Variants in CNTNAP3 observed in about 807,000 individuals in gnomAD.
The protein encoded by CNTNAP3 is contactin associated protein family member 3.
Under a neutral mutation model 92.1 loss-of-function variants are expected in CNTNAP3, and 36 were observed. The ratio of observed to expected loss-of-function variants is 0.39; its 90% CI spans 0.30 to 0.52. The LOEUF is 0.52. CNTNAP3 is among the 20% of genes least tolerant of loss of function. The pLI is 0.76. For synonymous variants in CNTNAP3, 232 were observed against 422.3 expected (o/e 0.55, Z 5.53); for missense variants, 534 against 1,069.6 (o/e 0.50, Z 6.98).
At chr9:39,099,263 T>C (rs2118470415) in intron 18 of CNTNAP3, among the ~76,000 whole-genome samples, 1 of 152,254 alleles carries the variant, frequency 6.6e-6, no homozygotes, top group African/African-American at 2.4e-5. Context: ...CCTTTTCTTT[T>C]GAAAACATGA....
At chr9:39,136,254 G>A (rs907005439) in intron 12 of CNTNAP3, among the ~76,000 whole-genome samples, 11 of 152,026 alleles carry the variant, frequency 7.2e-5, no homozygotes, top group Middle Eastern at 3.4e-3. Context: ...CATTGTAAAC[G>A]GGGATTGTCT....
intron 13 of CNTNAP3, among the ~76,000 whole-genome samples, chr9:39,120,498 C>T (rs1232084034): frequency 1.3e-5 from 2 of 152,078 alleles, no homozygotes; most frequent in African/African-American, 4.8e-5. Flanking sequence ...GGTGAAACCC[C>T]GTCTCTACTA....
intron 18 of CNTNAP3, among the ~76,000 whole-genome samples, chr9:39,090,065 A>C (rs1319737924): frequency 6.6e-6 from 1 of 151,540 alleles, no homozygotes; most frequent in African/African-American, 2.4e-5. Context: ...TCAGCCTCCC[A>C]AGTAGCTGGG....
chr9:39,127,221 T>C (rs1169283581), intron 13 of CNTNAP3, among the ~76,000 whole-genome samples: 12 of 152,032 alleles, frequency 7.9e-5, no homozygotes, highest in Non-Finnish European at 1.5e-4. Context: ...AAAATGAAAC[T>C]ACATGAAAAA....
chr9:39,118,824 C>G (rs1246707053), intron 13 of CNTNAP3, among the ~76,000 whole-genome samples: 1 of 152,218 alleles, frequency 6.6e-6, no homozygotes, highest in Non-Finnish European at 1.5e-5. Flanking sequence ...ATAGGCTTTT[C>G]TCATCTCTGA....
intron 14 of CNTNAP3, among the ~76,000 whole-genome samples, chr9:39,116,025 G>A (rs1054876079): frequency 7.2e-5 from 11 of 152,074 alleles, no homozygotes; most frequent in African/African-American, 1.7e-4. Flanking sequence ...TGTGGCACTC[G>A]GCTGTAATCC....
chr9:39,287,050 A>C lies in CNTNAP3; in HGVS notation c.85+930T>G, dbSNP rs1393654259. ...TGAGAAGGAAGAGGAAGACATTTTAAAAATTCTAATCTCATGGTTTGATTA... is the reference window on the plus strand; with the variant it reads ...TGAGAAGGAAGAGGAAGACATTTTACAAATTCTAATCTCATGGTTTGATTA... On this transcript the variant is annotated intron_variant, in intron 1 of 23. Transcript: ENST00000297668. 3.9e-5 allele frequency among the ~76,000 whole-genome samples: 2 copies of C among 51,352 alleles called. 1 individual carries two copies. Among genetic ancestry groups the C allele is most frequent in the African/African-American group, 8.8e-5 (2 of 22,640 alleles). The allele number at this position is 51,352 out of a possible 152,430, so 33.7% of individuals were successfully genotyped here.
intron 13 of CNTNAP3, among the ~76,000 whole-genome samples, chr9:39,130,378 C>T (rs372852563): frequency 0.011 from 1,613 of 151,666 alleles, 25 homozygotes; most frequent in South Asian, 0.086. Context: ...GTGAAAAAAA[C>T]TCAACCACAA....
At chr9:39,092,500 G>C (rs1826228331) in intron 18 of CNTNAP3, among the ~76,000 whole-genome samples, 1 of 134,796 alleles carries the variant, frequency 7.4e-6, no homozygotes, top group Admixed American at 7.2e-5. Context: ...TGATTTCGGA[G>C]TGTATAGTTT....
intron 10 of CNTNAP3, among the ~76,000 whole-genome samples, chr9:39,149,458 T>G (rs1417434299): frequency 6.6e-6 from 1 of 151,904 alleles, no homozygotes; most frequent in African/African-American, 2.4e-5. Flanking sequence ...CACGCCATTC[T>G]CCTGCCTCAG....
intron 1 of CNTNAP3, among the ~76,000 whole-genome samples, chr9:39,285,974 T>C (rs1236500942): frequency 2.0e-5 from 1 of 50,484 alleles, no homozygotes; most frequent in African/African-American, 4.4e-5. Context: ...CCTTATTGAC[T>C]TTCTTCTTGG....
chr9:39,089,138 A>T (rs1826134370), intron 18 of CNTNAP3, among the ~76,000 whole-genome samples: 1 of 151,876 alleles, frequency 6.6e-6, no homozygotes, highest in African/African-American at 2.4e-5. Context: ...GAGTATTTTC[A>T]CTCCCCTCCC....
At chr9:39,099,535 G>A (rs10974139) in intron 18 of CNTNAP3, among the ~76,000 whole-genome samples, 31,802 of 152,060 alleles carry the variant, frequency 0.21, 3,581 homozygotes, top group East Asian at 0.36. Context: ...GGGCAACAGA[G>A]AGGCTTGAAT....
chr9:39,115,624 TG>T (rs1265450085), intron 14 of CNTNAP3, among the ~76,000 whole-genome samples: 5 of 151,372 alleles, frequency 3.3e-5, no homozygotes, highest in African/African-American at 1.2e-4. Context: ...AAAAAGCAAA[TG>T]ACTCCACAAT....
At chr9:39,272,782 T>G (rs1326813813) in intron 1 of CNTNAP3, among the ~76,000 whole-genome samples, 2 of 31,922 alleles carry the variant, frequency 6.3e-5, no homozygotes, top group African/African-American at 1.2e-4. Context: ...CACCCAGTAT[T>G]TGATAACACA....
chr9:39,083,726 A>G (rs1049086125), intron 21 of CNTNAP3, among the ~76,000 whole-genome samples: 1 of 150,860 alleles, frequency 6.6e-6, no homozygotes, highest in Non-Finnish European at 1.5e-5. Flanking sequence ...ATAATACCAA[A>G]GTATCTAAAA....
chr9:39,100,144 G>A lies in CNTNAP3; in HGVS notation c.2762C>T (p.Thr921Met), dbSNP rs770889297. The A allele has an allele frequency of 4.7e-5, 75 of 1,580,520 alleles. No individual in the cohort carries two copies. The highest frequency in any genetic ancestry group is 5.6e-5 in the Non-Finnish European group (65 of 1,160,088). ...TAGAAAGCCTCTCTGTCTGGTGGCC[G>A]TTCCACCTACAACGGAAACACTGCA... ...QLNSQLFIGG[T>M]ATRQRGFLGC... Residue 921 changes from threonine (T) to methionine (M), a missense_variant, in exon 18 of 24, where the codon ACG (threonine) becomes ATG (methionine). Transcript: ENST00000297668.
intron 14 of CNTNAP3, among the ~76,000 whole-genome samples, chr9:39,116,229 TTCTTGTAATAACCTGCCAATGCTCTCCTC>T (rs1253033307): frequency 2.0e-5 from 3 of 152,228 alleles, no homozygotes; most frequent in Admixed American, 6.5e-5. Context: ...CATTCTGGCT[TTCTTGTAATAACCTGCCAATGCTCTCCTC>T]TCTGACCTGT....
rs1825614138 is a variant in CNTNAP3 at position 39,070,518 on chromosome 9, AG to A, written c.*3371del. Reference sequence around the variant, plus strand: ...AGGATGGTTAGTAAAGGCTGAAAAAAGTAGTAGACAGCTGAGATAATGGTGG... The same window carrying A: ...AGGATGGTTAGTAAAGGCTGAAAAAATAGTAGACAGCTGAGATAATGGTGG... On this transcript the variant is annotated 3_prime_UTR_variant, in exon 24 of 24. Transcript: ENST00000297668. 6.8e-6 allele frequency among the ~76,000 whole-genome samples: 1 copy of A among 147,990 alleles called. No homozygotes were observed. The highest frequency in any genetic ancestry group is 2.5e-5 in the African/African-American group (1 of 39,528).
Sources: gnomAD v4.1 joint callset for allele counts (sites outside exome capture counted in the v4.1 genomes callset) on GRCh38, gnomAD v4.1.1 for gene constraint, MANE v1.5 for transcripts, NCBI Gene and HGNC (gene_info 2026-07-23, HGNC 2026-07-21) for gene names.